NGFR: variants seen among roughly 807,000 people sequenced by gnomAD.
The protein encoded by NGFR is tumor necrosis factor receptor superfamily member 16.
NGFR carries 30 observed loss-of-function variants against 43.2 expected under a neutral mutation model. The observed-to-expected ratio is 0.69, with a 90% CI of 0.52 to 0.94. NGFR has a LOEUF of 0.94. Among genes scored for constraint, NGFR ranks in the 40% least tolerant of loss-of-function variants. The probability of loss-of-function intolerance (pLI) is 0.00; values close to 1 mark genes in which losing one functional copy is unlikely to be tolerated. For missense variants in NGFR, 529 were observed against 602.5 expected (o/e 0.88, Z 1.28); for synonymous variants, 246 against 259.6 (o/e 0.95, Z 0.50).
chr17:49,506,982 C>T (rs74672725), intron 3 of NGFR, among the ~76,000 whole-genome samples: 10,913 of 152,246 alleles, frequency 0.072, 550 homozygotes, highest in South Asian at 0.14. Flanking sequence ...TGTGGCTTCC[C>T]GCTAGTGATT....
intron 3 of NGFR, 29 bp downstream of exon 3, chr17:49,506,687 T>TGGGGGGGGGGGGGGGGGGGGGGGGGG: frequency 3.1e-5 from 4 of 128,672 alleles, no homozygotes; most frequent in Non-Finnish European, 4.2e-5. Context: ...GCGGGGGGAG[T>TGGGGGGGGGGGGGGGGGGGGGGGGGG]GGGGGTGCGG....
At position 49,514,436 on chromosome 17, in the gene NGFR, T is replaced by C. The variant is rs1205984356; in HGVS notation, c.*1427T>C. The C allele has an allele frequency of 6.6e-6, 1 of 152,346 alleles. No homozygotes were observed. The highest frequency in any genetic ancestry group is 2.4e-5 in the African/African-American group (1 of 41,476). The allele number at this position is 152,346 out of a possible 1,614,324, so 9.4% of individuals were successfully genotyped here. ...TAGACAACCCTGCAAAGGACTGTTT[T>C]TTCCTGAGCTTGGCCAGAAGGGGGC... On this transcript the variant is annotated 3_prime_UTR_variant, in exon 6 of 6. Coordinates refer to ENST00000172229, the MANE Select transcript of NGFR (RefSeq NM_002507.4).
chr17:49,513,291 T>G lies in NGFR; in HGVS notation c.*282T>G. The stretch of plus-strand genomic sequence containing the variant: ...TCACCATCTCAGGCCACCTGCCCCC[T>G]TCTCCCACACTGCTAGGTGGGCCAG... On this transcript the variant is annotated 3_prime_UTR_variant, in exon 6 of 6. Transcript: ENST00000172229. 1 of 465,340 alleles carries G rather than the reference T, an allele frequency of 2.1e-6. No homozygotes were observed. The highest frequency in any genetic ancestry group is 3.8e-6 in the Non-Finnish European group (1 of 261,542). 28.8% of individuals were successfully genotyped at this position (465,340 alleles called of 1,614,324 possible). A position where few individuals can be genotyped will look rare whatever the true frequency, so the allele number is the denominator to read the frequency against.
At chr17:49,502,018 C>CCCCCCCCCA in intron 1 of NGFR, 45 bp from the exon 2 acceptor site, 10 of 1,320,336 alleles carry the variant, frequency 7.6e-6, no homozygotes, top group East Asian at 2.7e-5. Flanking sequence ...CAACCCACCC[C>CCCCCCCCCA]AGCTTTCTCT....
chr17:49,499,558 CT>C (rs2071155943), intron 1 of NGFR, among the ~76,000 whole-genome samples: 2 of 151,892 alleles, frequency 1.3e-5, no homozygotes, highest in African/African-American at 4.8e-5. Flanking sequence ...ATTTACATAC[CT>C]TTATATTTTT....
chr17:49,507,457 C>G (rs1020859842), intron 3 of NGFR, among the ~76,000 whole-genome samples: 1 of 152,176 alleles, frequency 6.6e-6, no homozygotes, highest in Non-Finnish European at 1.5e-5. Flanking sequence ...AGTGCATGCT[C>G]GTGGCTGTCA....
rs11466167 is a variant in NGFR at position 49,514,192 on chromosome 17, C to G, written c.*1183C>G. On this transcript the variant is annotated 3_prime_UTR_variant, in exon 6 of 6. Transcript: ENST00000172229. Reference sequence around the variant, plus strand: ...AGGTCTGCTCGGCCGTCTTCACTCGCCCCCGGGTTTGGCGGGCCAAGGACT... The same window carrying G: ...AGGTCTGCTCGGCCGTCTTCACTCGGCCCCGGGTTTGGCGGGCCAAGGACT... 6.4e-6 allele frequency: 1 copy of G among 157,356 alleles called. No individual in the cohort carries two copies. Among genetic ancestry groups the G allele is most frequent in the Non-Finnish European group, 1.4e-5 (1 of 71,170 alleles). 9.7% of individuals were successfully genotyped at this position (157,356 alleles called of 1,614,324 possible). A position where few individuals can be genotyped will look rare whatever the true frequency, so the allele number is the denominator to read the frequency against.
intron 1 of NGFR, among the ~76,000 whole-genome samples, chr17:49,500,256 G>C (rs1053568778): frequency 1.9e-4 from 29 of 152,330 alleles, no homozygotes; most frequent in African/African-American, 6.5e-4. Flanking sequence ...AAAATGATGA[G>C]GGCAGCAAAG....
At chr17:49,500,904 G>A (rs1448541553) in intron 1 of NGFR, among the ~76,000 whole-genome samples, 6 of 152,198 alleles carry the variant, frequency 3.9e-5, no homozygotes, top group Non-Finnish European at 2.9e-5. Context: ...AGGGAAAGGA[G>A]TGTCTTGGCC....
At position 49,513,696 on chromosome 17, in the gene NGFR, C is replaced by A. The variant is rs1278113933; in HGVS notation, c.*687C>A. 6.6e-6 allele frequency: 1 copy of A among 152,372 alleles called. No individual in the cohort carries two copies. Among genetic ancestry groups the A allele is most frequent in the Admixed American group, 6.5e-5 (1 of 15,288 alleles). The allele number at this position is 152,372 out of a possible 1,614,324, so 9.4% of individuals were successfully genotyped here. On this transcript the variant is annotated 3_prime_UTR_variant, in exon 6 of 6. Transcript: ENST00000172229. ...ACCGCCTTCTCTAAATGAGGGGCCTCAGGTTTGCCTGAGGGCGAGGGGAGG... is the reference window on the plus strand; with the variant it reads ...ACCGCCTTCTCTAAATGAGGGGCCTAAGGTTTGCCTGAGGGCGAGGGGAGG...
chr17:49,510,538 T>C lies in NGFR; in HGVS notation c.695T>C (p.Val232Ala), dbSNP rs754315711. 3 of 1,613,864 alleles carry C rather than the reference T, an allele frequency of 1.9e-6. No individual in the cohort carries two copies. Among genetic ancestry groups the C allele is most frequent in the African/African-American group, 2.7e-5 (2 of 74,856 alleles). The change falls in exon 4 of 6, where the codon GTG (valine) becomes GCG (alanine). Residue 232 changes from valine (V) to alanine (A), a missense_variant. Physicochemically the swap from Val to Ala is moderately conservative, Grantham distance 64. Transcript: ENST00000172229. Reference sequence around the variant, plus strand: ...ATAGCCAGCACGGTGGCAGGTGTGGTGACCACAGTGATGGGCAGCTCCCAG... The same window carrying C: ...ATAGCCAGCACGGTGGCAGGTGTGGCGACCACAGTGATGGGCAGCTCCCAG... ...DLIASTVAGV[V>A]TTVMGSSQPV...
intron 2 of NGFR, among the ~76,000 whole-genome samples, chr17:49,504,450 G>T (rs1025171000): frequency 6.6e-6 from 1 of 152,164 alleles, no homozygotes; most frequent in African/African-American, 2.4e-5. Flanking sequence ...CACCCCCATG[G>T]GGCCCAATCT....
At chr17:49,503,728 T>C (rs1306348621) in intron 2 of NGFR, among the ~76,000 whole-genome samples, 1 of 152,214 alleles carries the variant, frequency 6.6e-6, no homozygotes, top group African/African-American at 2.4e-5. Flanking sequence ...TCTTGCTTCA[T>C]GGCCACCTGC....
At chr17:49,509,858 C>T (rs1457340268) in intron 3 of NGFR, among the ~76,000 whole-genome samples, 3 of 152,204 alleles carry the variant, frequency 2.0e-5, no homozygotes, top group Non-Finnish European at 4.4e-5. Context: ...GGGGAGTGCT[C>T]TCAGGGAGGT....
chr17:49,506,639 GGCCGAC>G lies in NGFR; in HGVS notation c.555_560del (p.Asp185_Ala186del). 1 of 1,551,534 alleles carries G rather than the reference GGCCGAC, an allele frequency of 6.4e-7. No homozygotes were observed. The highest frequency in any genetic ancestry group is 1.2e-5 in the South Asian group (1 of 86,394). ...GCCAGCTCCGCGAGTGCACACGCTG[GGCCGAC>G]GCCGAGTGCGAGGGTGAGTGCGGTT... On this transcript the variant is annotated inframe_deletion, in exon 3 of 6. Coordinates refer to ENST00000172229, the MANE Select transcript of NGFR (RefSeq NM_002507.4).
In NGFR at chr17:49,495,323, G is replaced by T; in HGVS notation, c.-95G>T. ...GAGCCGAGCCGCGGCCAGCTCCGGCGGGCAGGGGGGGCGCTGGAGCGCAGC... is the reference window on the plus strand; with the variant it reads ...GAGCCGAGCCGCGGCCAGCTCCGGCTGGCAGGGGGGGCGCTGGAGCGCAGC... On this transcript the variant is annotated 5_prime_UTR_variant, in exon 1 of 6. Transcript: ENST00000172229. This position sits in a 1 kb window ranked among gnomAD's most constrained non-coding sequence, Gnocchi z 6.4. 2 of 1,031,556 alleles carry T rather than the reference G, an allele frequency of 1.9e-6. No homozygotes were observed. The highest frequency in any genetic ancestry group is 2.5e-6 in the Non-Finnish European group (2 of 806,800). 63.9% of individuals were successfully genotyped at this position (1,031,556 alleles called of 1,614,324 possible). A position where few individuals can be genotyped will look rare whatever the true frequency, so the allele number is the denominator to read the frequency against.
intron 2 of NGFR, among the ~76,000 whole-genome samples, chr17:49,502,811 GATTTCTTCCTTCCTTCCTTC>G (rs1176810481): frequency 8.6e-6 from 1 of 116,104 alleles, no homozygotes; most frequent in Non-Finnish European, 1.9e-5. Context: ...TCCTGCCTGG[GATTTCTTCCTTCCTTCCTTC>G]CTTCCTTCCT....
chr17:49,508,132 C>A (rs1597862882), intron 3 of NGFR, among the ~76,000 whole-genome samples: 1 of 152,196 alleles, frequency 6.6e-6, no homozygotes, highest in Non-Finnish European at 1.5e-5. Flanking sequence ...TGGCAATTGC[C>A]CTGGGCCAGG....
chr17:49,506,311 C>T lies in NGFR; in HGVS notation c.221C>T (p.Ser74Phe). 1 of 1,564,200 alleles carries T rather than the reference C, an allele frequency of 6.4e-7. No individual in the cohort carries two copies. The highest frequency in any genetic ancestry group is 8.6e-7 in the Non-Finnish European group (1 of 1,156,618). The change falls in exon 3 of 6, where the codon TCC becomes TTC. Residue 74 changes from serine (S) to phenylalanine (F), a missense_variant. Coordinates refer to ENST00000172229, the MANE Select transcript of NGFR (RefSeq NM_002507.4). ...CEPCLDSVTF[S>F]DVVSATEPCK... ...CCGCTGCGCTCAGGCGTGACGTTCT[C>T]CGACGTGGTGAGCGCGACCGAGCCG...
Sources: gnomAD v4.1 joint callset for allele counts (sites outside exome capture counted in the v4.1 genomes callset) on GRCh38, gnomAD v4.1.1 for gene constraint, Gnocchi (gnomAD v3.1) non-coding constraint, MANE v1.5 for transcripts, NCBI Gene and HGNC (gene_info 2026-07-23, HGNC 2026-07-21) for gene names.